The following TRMT9B variants were observed in gnomAD, a reference collection of about 807,000 sequenced individuals.
TRMT9B encodes tRNA methyltransferase 9B (putative), also known as probable tRNA methyltransferase 9B.
Under a neutral mutation model 11.5 loss-of-function variants are expected in TRMT9B, and 16 were observed. The ratio of observed to expected loss-of-function variants is 1.39; its 90% CI spans 0.94 to 2.11. The LOEUF (loss-of-function observed/expected upper bound fraction) is 2.11, where lower values mean the gene tolerates loss of function less well. TRMT9B is among the 30% of genes most tolerant of loss of function. TRMT9B has a pLI of 0.00. For missense variants in TRMT9B, 941 were observed against 553.8 expected (o/e 1.70, Z -7.02); for synonymous variants, 274 against 192.4 (o/e 1.42, Z -3.51).
intron 2 of TRMT9B, among the ~76,000 whole-genome samples, chr8:13,002,959 C>A (rs1809741600): frequency 6.6e-6 from 1 of 152,092 alleles, no homozygotes; most frequent in Non-Finnish European, 1.5e-5. Context: ...AGGGTGATCA[C>A]TCCCTCTGCT....
rs185099467 is a variant in TRMT9B at position 12,970,619 on chromosome 8, G to C, written c.-199-20215G>C. Among the ~76,000 whole-genome samples the C allele has an allele frequency of 2.4e-3, 366 of 152,330 alleles. 3 individuals carry two copies. The highest frequency in any genetic ancestry group is 1.7e-3 in the Non-Finnish European group (118 of 68,026). On this transcript the variant is annotated intron_variant, in intron 1 of 4. Coordinates refer to ENST00000524591, the MANE Select transcript of TRMT9B (RefSeq NM_020844.3). Reference sequence around the variant, plus strand: ...TGCAATGTATTCAAATGTGTGAGATGGTTAATGCAGCTGTCAATATTAATA... The same window carrying C: ...TGCAATGTATTCAAATGTGTGAGATCGTTAATGCAGCTGTCAATATTAATA...
Position 13,021,608 on chromosome 8 carries a change from A to T in TRMT9B, c.929A>T (p.Glu310Val). The T allele has an allele frequency of 6.2e-7, 1 of 1,613,916 alleles. No homozygotes were observed. The highest frequency in any genetic ancestry group is 1.1e-5 in the South Asian group (1 of 91,078). ...FSTKGQSLDE[E>V]VFVESSSGKH... ...ACAAAAGGGCAAAGTTTAGATGAGG[A>T]AGTGTTTGTGGAATCTTCTTCTGGA... Residue 310 changes from glutamate to valine, a missense_variant, in exon 5 of 5, where the codon GAA becomes GTA. Glu to Val is a moderately radical substitution (Grantham distance 121, BLOSUM62 -2). Coordinates refer to ENST00000524591, the MANE Select transcript of TRMT9B (RefSeq NM_020844.3).
rs1232289059 is a variant in TRMT9B, at chr8:13,024,681, G to T, written c.*2637G>T. 6.0e-6 allele frequency: 1 copy of T among 166,952 alleles called. No homozygotes were observed. The highest frequency in any genetic ancestry group is 2.4e-5 in the African/African-American group (1 of 41,418). 10.3% of individuals were successfully genotyped at this position (166,952 alleles called of 1,614,324 possible). A position where few individuals can be genotyped will look rare whatever the true frequency, so the allele number is the denominator to read the frequency against. ...GTGCACACACCACTTTGTATGAAAGGGTTCTCTAGAACGGTTCTTTGGAGA... is the reference window on the plus strand; with the variant it reads ...GTGCACACACCACTTTGTATGAAAGTGTTCTCTAGAACGGTTCTTTGGAGA... On this transcript the variant is annotated 3_prime_UTR_variant, in exon 5 of 5. Transcript: ENST00000524591.
chr8:12,979,445 C>T (rs1805000553), intron 1 of TRMT9B, among the ~76,000 whole-genome samples: 1 of 151,896 alleles, frequency 6.6e-6, no homozygotes, highest in East Asian at 1.9e-4. Context: ...CACTGCACTC[C>T]AGGCTGGGCG....
chr8:12,984,479 C>A (rs571645259), intron 1 of TRMT9B, among the ~76,000 whole-genome samples: 2 of 152,280 alleles, frequency 1.3e-5, no homozygotes, highest in South Asian at 4.1e-4. Context: ...CTTTCTTGAG[C>A]AACCTTTTTT....
At chr8:13,005,099 AAG>A (rs1432759497) in intron 2 of TRMT9B, among the ~76,000 whole-genome samples, 2 of 151,802 alleles carry the variant, frequency 1.3e-5, no homozygotes, top group African/African-American at 4.8e-5. Flanking sequence ...AAAAAAAAAA[AAG>A]AAAAAGAAAA....
At chr8:13,016,944 G>A (rs993506185) in intron 4 of TRMT9B, among the ~76,000 whole-genome samples, 1 of 150,936 alleles carries the variant, frequency 6.6e-6, no homozygotes, top group Non-Finnish European at 1.5e-5. Context: ...GGCCAATATG[G>A]TGAAACCCCA....
intron 1 of TRMT9B, among the ~76,000 whole-genome samples, chr8:12,988,608 GA>G (rs1463511870): frequency 6.6e-6 from 1 of 152,034 alleles, no homozygotes; most frequent in African/African-American, 2.4e-5. Context: ...AAGCAAAAGG[GA>G]AAAAATTCCC....
In TRMT9B at chr8:12,995,341, T is replaced by C. The variant is rs983503850; in HGVS notation, c.-2+4310T>C. ...AGCAATTGATATTTGATTATATAAA[T>C]CTAGTTTGAGTGCTAATTGGAGTAG... is the stretch of plus-strand genomic sequence containing the variant. On this transcript the variant is annotated intron_variant, in intron 2 of 4. Transcript: ENST00000524591. 3.9e-5 allele frequency among the ~76,000 whole-genome samples: 6 copies of C among 152,350 alleles called. 1 individual carries two copies. In the East Asian group the frequency reaches 1.2e-3, roughly 29 times the overall value.
chr8:12,977,479 G>C (rs1012652152), intron 1 of TRMT9B, among the ~76,000 whole-genome samples: 1 of 152,250 alleles, frequency 6.6e-6, no homozygotes, highest in East Asian at 1.9e-4. Flanking sequence ...GAGGTGGGTG[G>C]ATCACGAGGT....
intron 1 of TRMT9B, chr8:12,951,387 G>A (rs889516900): frequency 6.6e-6 from 1 of 152,348 alleles, no homozygotes; most frequent in Non-Finnish European, 1.5e-5. Flanking sequence ...CCAAGGTACT[G>A]CGCTGATGCG....
chr8:12,965,127 C>G (rs1435683962), intron 1 of TRMT9B, among the ~76,000 whole-genome samples: 1 of 152,238 alleles, frequency 6.6e-6, no homozygotes, highest in Non-Finnish European at 1.5e-5. Context: ...TGAGGCCATT[C>G]TTTCAACTGG....
intron 1 of TRMT9B, chr8:12,958,881 G>A (rs1413087769): frequency 6.6e-6 from 1 of 152,138 alleles, no homozygotes; most frequent in East Asian, 1.9e-4. Flanking sequence ...ATTCATAGGT[G>A]GGAATTGAAC....
chr8:12,964,823 C>T (rs1802604225), intron 1 of TRMT9B, among the ~76,000 whole-genome samples: 1 of 152,098 alleles, frequency 6.6e-6, no homozygotes, highest in African/African-American at 2.4e-5. Context: ...AACTCCTGGC[C>T]TCAAATGATC....
At chr8:12,965,296 C>A (rs1194452437) in intron 1 of TRMT9B, among the ~76,000 whole-genome samples, 1 of 152,172 alleles carries the variant, frequency 6.6e-6, no homozygotes, top group East Asian at 1.9e-4. Flanking sequence ...ACTACAAAAT[C>A]CAAGCTATTG....
rs1812963548 is a variant in TRMT9B, at chr8:13,017,608, T to G, written c.329-3400T>G. On this transcript the variant is annotated intron_variant, in intron 4 of 4. Transcript: ENST00000524591. ...TTTAATATGTAATGAAGTAATCATT[T>G]GTAGGCTTTTTTTTTTTTTTTTTGA... 3.7e-5 allele frequency among the ~76,000 whole-genome samples: 5 copies of G among 134,862 alleles called. No individual in the cohort carries two copies. In the Admixed American group the frequency reaches 4.8e-4, roughly 13 times the overall value. The allele number at this position is 134,862 out of a possible 152,430, so 88.5% of individuals were successfully genotyped here.
intron 1 of TRMT9B, chr8:12,961,692 C>G (rs1802129985): frequency 7.8e-6 from 1 of 128,906 alleles, no homozygotes; most frequent in African/African-American, 3.0e-5. Flanking sequence ...CAGAGCGAGA[C>G]TCCATCTCAA....
intron 4 of TRMT9B, among the ~76,000 whole-genome samples, chr8:13,015,407 T>A (rs1011595772): frequency 2.6e-5 from 4 of 152,160 alleles, no homozygotes; most frequent in Admixed American, 6.6e-5. Context: ...CTCACTCTTA[T>A]CACCCTGGTT....
At chr8:12,948,525 T>C (rs1188054070) in intron 1 of TRMT9B, among the ~76,000 whole-genome samples, 1 of 148,144 alleles carries the variant, frequency 6.8e-6, no homozygotes. Context: ...GAATATATAT[T>C]CATATTGCAT....
Sources: allele counts gnomAD v4.1 joint callset (sites outside exome capture counted in the v4.1 genomes callset), GRCh38; gene constraint gnomAD v4.1.1; transcripts MANE v1.5; gene names NCBI Gene and HGNC (gene_info 2026-07-23, HGNC 2026-07-21).